FNIP2: variants seen among roughly 807,000 people sequenced by gnomAD.
FNIP2 encodes folliculin-interacting protein 2.
FNIP2 carries 32 observed loss-of-function variants against 108.7 expected under a neutral mutation model. The observed-to-expected ratio is 0.29, with a 90% confidence interval of 0.22 to 0.40. The LOEUF is 0.40. FNIP2 is among the 10% of genes least tolerant of loss of function. FNIP2 has a pLI of 1.00. For synonymous variants in FNIP2, 480 were observed against 496.7 expected (o/e 0.97, Z 0.45); for missense variants, 1,202 against 1,381.6 (o/e 0.87, Z 2.06).
intron 1 of FNIP2, among the ~76,000 whole-genome samples, chr4:158,804,925 ATG>A (rs1447631864): frequency 6.6e-6 from 1 of 152,144 alleles, no homozygotes; most frequent in Non-Finnish European, 1.5e-5. Flanking sequence ...AAGTTGTCAT[ATG>A]TGTGTTGCAA....
At chr4:158,852,843 T>A (rs1204897744) in intron 8 of FNIP2, among the ~76,000 whole-genome samples, 2 of 152,144 alleles carry the variant, frequency 1.3e-5, no homozygotes, top group Non-Finnish European at 2.9e-5. Context: ...TGTTTTTTTA[T>A]CCCTTCAGGT....
At chr4:158,874,454 A>C (rs1216348563) in intron 14 of FNIP2, among the ~76,000 whole-genome samples, 1 of 128,078 alleles carries the variant, frequency 7.8e-6, no homozygotes, top group Non-Finnish European at 1.6e-5. Context: ...GGATCCTTTG[A>C]GATCACCCTG....
At chr4:158,858,000 A>G (rs550445553) in intron 8 of FNIP2, among the ~76,000 whole-genome samples, 14 of 152,176 alleles carry the variant, frequency 9.2e-5, no homozygotes, top group Admixed American at 8.5e-4. Flanking sequence ...CACTTTTGGC[A>G]TATGTATGTT....
intron 16 of FNIP2, among the ~76,000 whole-genome samples, chr4:158,902,571 A>C (rs1326842984): frequency 1.3e-5 from 2 of 152,198 alleles, no homozygotes; most frequent in African/African-American, 4.8e-5. Flanking sequence ...AAGTCTGCTG[A>C]AGCTGTGCCT....
chr4:158,845,908 C>T (rs2126636465), intron 7 of FNIP2, among the ~76,000 whole-genome samples: 1 of 152,300 alleles, frequency 6.6e-6, no homozygotes, highest in South Asian at 2.1e-4. Flanking sequence ...ATTTGCATGC[C>T]ATAAAAAGTG....
intron 1 of FNIP2, among the ~76,000 whole-genome samples, chr4:158,772,200 C>T (rs1368498620): frequency 6.6e-6 from 1 of 152,148 alleles, no homozygotes; most frequent in African/African-American, 2.4e-5. Context: ...ATGGCATTTA[C>T]ATTTGAATAA....
intron 14 of FNIP2, among the ~76,000 whole-genome samples, chr4:158,886,675 A>G (rs970734007): frequency 1.3e-5 from 2 of 152,242 alleles, no homozygotes; most frequent in Non-Finnish European, 2.9e-5. Context: ...GATTCTCCTT[A>G]GCTTGAGAGA....
chr4:158,834,330 C>CTCTCTCTCTCTCTCTCTCT (rs70962636), intron 6 of FNIP2: 1 of 142,152 alleles, frequency 7.0e-6, no homozygotes, highest in Admixed American at 6.9e-5. Flanking sequence ...CTCTCTCTCT[C>CTCTCTCTCTCTCTCTCTCT]CCTCTCTAAG....
At position 158,826,093 on chromosome 4, in the gene FNIP2, C is replaced by T. The variant is rs1424630978; in HGVS notation, c.234+51C>T. The stretch of plus-strand genomic sequence containing the variant: ...CTTTTCTTTTGTGCTTTTAACCACC[C>T]TTCTGATCAATCATTTATTAATCTA... On this transcript the variant is annotated intron_variant, in intron 2 of 16. Coordinates refer to ENST00000264433, the MANE Select transcript of FNIP2 (RefSeq NM_020840.3). The T allele has an allele frequency of 3.2e-6, 5 of 1,573,082 alleles. No individual in the cohort carries two copies. The Admixed American group carries it at 5.2e-5, about 16-fold the overall frequency.
intron 7 of FNIP2, among the ~76,000 whole-genome samples, chr4:158,846,137 G>A (rs1267357028): frequency 6.6e-6 from 1 of 152,142 alleles, no homozygotes; most frequent in African/African-American, 2.4e-5. Flanking sequence ...TGTTGTATGT[G>A]TATTGATTTG....
rs769686378 is a variant in FNIP2 at position 158,832,050 on chromosome 4, T to G, written c.483-17T>G. On this transcript the variant is annotated splice_polypyrimidine_tract_variant and intron_variant, in intron 4 of 16. Coordinates refer to ENST00000264433, the MANE Select transcript of FNIP2 (RefSeq NM_020840.3). ...TCATAAATTTATTTTTCCCCTCTCC[T>G]TTTTTCCCCTCCACAGTTCTCCTCC... 6.2e-7 allele frequency: 1 copy of G among 1,609,100 alleles called. No individual in the cohort carries two copies. The highest frequency in any genetic ancestry group is 8.5e-7 in the Non-Finnish European group (1 of 1,176,320).
At chr4:158,897,425 CCA>C (rs1782792100) in intron 16 of FNIP2, among the ~76,000 whole-genome samples, 1 of 152,166 alleles carries the variant, frequency 6.6e-6, no homozygotes, top group South Asian at 2.1e-4. Flanking sequence ...ACACTGTTTT[CCA>C]CAGTGATTGA....
chr4:158,857,005 A>G (rs1377144586), intron 8 of FNIP2, among the ~76,000 whole-genome samples: 2 of 152,210 alleles, frequency 1.3e-5, no homozygotes. Context: ...ATGGTGAAGC[A>G]AGTAAGTTCT....
chr4:158,891,694 T>G, intron 15 of FNIP2, 48 bp downstream of exon 15: 1 of 1,476,092 alleles, frequency 6.8e-7, no homozygotes, highest in Non-Finnish European at 9.3e-7. Context: ...TTTAAAATGC[T>G]TTTAACGACA....
intron 7 of FNIP2, among the ~76,000 whole-genome samples, chr4:158,838,567 G>A (rs1169573225): frequency 6.6e-6 from 1 of 152,068 alleles, no homozygotes; most frequent in Non-Finnish European, 1.5e-5. Flanking sequence ...GATAAATGGG[G>A]AAATTTTTAA....
chr4:158,787,168 GGA>G (rs1412548756), intron 1 of FNIP2, among the ~76,000 whole-genome samples: 1 of 152,144 alleles, frequency 6.6e-6, no homozygotes, highest in Non-Finnish European at 1.5e-5. Flanking sequence ...TCTTTTTAAT[GGA>G]ATCATTTCTT....
At chr4:158,808,281 G>A (rs1258978051) in intron 1 of FNIP2, among the ~76,000 whole-genome samples, 1 of 152,068 alleles carries the variant, frequency 6.6e-6, no homozygotes, top group Non-Finnish European at 1.5e-5. Context: ...TAATATGCAG[G>A]GCCAATTTTT....
chr4:158,892,477 C>A (rs186314798), intron 15 of FNIP2, among the ~76,000 whole-genome samples: 3 of 152,046 alleles, frequency 2.0e-5, no homozygotes, highest in East Asian at 1.9e-4. Flanking sequence ...ATCAGTAGCT[C>A]CCCCCAGCCA....
chr4:158,853,554 G>A (rs1779817566), intron 8 of FNIP2, among the ~76,000 whole-genome samples: 1 of 152,140 alleles, frequency 6.6e-6, no homozygotes, highest in African/African-American at 2.4e-5. Flanking sequence ...AGGCGCCGGT[G>A]TGTGATGTTC....
Sources: gnomAD v4.1 joint callset for allele counts (sites outside exome capture counted in the v4.1 genomes callset) on GRCh38, gnomAD v4.1.1 for gene constraint, MANE v1.5 for transcripts, NCBI Gene and HGNC (gene_info 2026-07-23, HGNC 2026-07-21) for gene names.